The following NAALADL2 variants were observed in gnomAD, a reference collection of about 807,000 sequenced individuals.
NAALADL2 encodes inactive N-acetylated-alpha-linked acidic dipeptidase-like protein 2.
NAALADL2 carries 76 observed loss-of-function variants against 87.2 expected under a neutral mutation model. That is an observed-to-expected ratio of 0.87 (90% CI 0.72 to 1.05). NAALADL2 has a LOEUF of 1.05. NAALADL2 is among the 50% of genes least tolerant of loss of function. The pLI is 0.00. For synonymous variants in NAALADL2, 354 were observed against 331.0 expected (o/e 1.07, Z -0.75); for missense variants, 1,089 against 945.8 (o/e 1.15, Z -1.99).
intron 5 of NAALADL2, among the ~76,000 whole-genome samples, chr3:175,370,573 G>A (rs138915021): frequency 2.0e-5 from 3 of 152,122 alleles, no homozygotes; most frequent in African/African-American, 4.8e-5. Flanking sequence ...ACTGATGGCC[G>A]TAAGAGTCAC....
intron 3 of NAALADL2, among the ~76,000 whole-genome samples, chr3:174,816,185 ACTC>A (rs941547948): frequency 2.7e-5 from 4 of 149,624 alleles, no homozygotes; most frequent in African/African-American, 9.8e-5. Flanking sequence ...TTTCCATTCT[ACTC>A]CTATCCTCTT....
chr3:175,111,052 TA>T (rs1724107131), intron 2 of NAALADL2, among the ~76,000 whole-genome samples: 1 of 151,710 alleles, frequency 6.6e-6, no homozygotes, highest in Admixed American at 6.6e-5. Context: ...GGCTACCCTG[TA>T]AGCTAATGGG....
At chr3:175,147,697 A>G (rs1222657778) in intron 2 of NAALADL2, among the ~76,000 whole-genome samples, 1 of 152,138 alleles carries the variant, frequency 6.6e-6, no homozygotes, top group Non-Finnish European at 1.5e-5. Context: ...AAACTAATTT[A>G]TATTACCACC....
At chr3:174,519,797 A>G (rs2108408879) in intron 1 of NAALADL2, among the ~76,000 whole-genome samples, 1 of 152,270 alleles carries the variant, frequency 6.6e-6, no homozygotes, top group Non-Finnish European at 1.5e-5. Flanking sequence ...GCATCCTTTC[A>G]TGATAAAAAC....
chr3:175,593,773 A>T (rs1582547051), intron 10 of NAALADL2, among the ~76,000 whole-genome samples: 1 of 12,602 alleles, frequency 7.9e-5, no homozygotes, highest in Admixed American at 9.8e-4. Context: ...GCCCACTCTC[A>T]AAAAAAAAAC....
rs556191766 is a variant in NAALADL2, at chr3:174,594,427, C to G, written c.-115+43790C>G. Among the ~76,000 whole-genome samples the G allele has an allele frequency of 1.6e-3, 243 of 152,298 alleles. 2 individuals carry two copies. The highest frequency in any genetic ancestry group is 5.6e-3 in the African/African-American group (234 of 41,566). On this transcript the variant is annotated intron_variant, in intron 2 of 3. Coordinates refer to the NAALADL2 transcript ENST00000434257. ...ATTTGCAAGGCCTGATACCTCTAAT[C>G]AAAGAATAATGCTTAGAATAATCTC... is the stretch of plus-strand genomic sequence containing the variant.
chr3:175,373,346 G>A (rs1255462286), intron 5 of NAALADL2, among the ~76,000 whole-genome samples: 3 of 152,068 alleles, frequency 2.0e-5, no homozygotes, highest in Admixed American at 1.3e-4. Flanking sequence ...TAGTCTAACC[G>A]CTGATCTAAT....
intron 2 of NAALADL2, among the ~76,000 whole-genome samples, chr3:174,685,273 T>G (rs1002691238): frequency 6.6e-6 from 1 of 152,120 alleles, no homozygotes; most frequent in East Asian, 1.9e-4. Flanking sequence ...AAATGGCAGC[T>G]GCATCCTCCC....
chr3:175,132,911 A>C, intron 2 of NAALADL2, among the ~76,000 whole-genome samples: 1 of 135,678 alleles, frequency 7.4e-6, no homozygotes, highest in Non-Finnish European at 1.6e-5. Flanking sequence ...GGGCGGAGGG[A>C]CTCCTCACTT....
intron 6 of NAALADL2, among the ~76,000 whole-genome samples, chr3:175,449,433 T>A (rs544289839): frequency 2.7e-5 from 4 of 146,316 alleles, no homozygotes; most frequent in Middle Eastern, 3.7e-3. Context: ...TCTCGCTCTG[T>A]CTCCCAGACT....
At chr3:175,380,219 A>C (rs1581658334) in intron 5 of NAALADL2, among the ~76,000 whole-genome samples, 1 of 152,228 alleles carries the variant, frequency 6.6e-6, no homozygotes, top group African/African-American at 2.4e-5. Context: ...TAAAAAAATA[A>C]ATTAATTAAA....
intron 13 of NAALADL2, among the ~76,000 whole-genome samples, chr3:175,779,438 A>AGAT (rs1560002053): frequency 1.3e-5 from 2 of 152,078 alleles, no homozygotes; most frequent in African/African-American, 4.8e-5. Context: ...ATTACTTTTT[A>AGAT]GATGTAATTC....
chr3:175,332,177 C>T (rs1761482261), intron 5 of NAALADL2, among the ~76,000 whole-genome samples: 1 of 152,104 alleles, frequency 6.6e-6, no homozygotes, highest in Non-Finnish European at 1.5e-5. Flanking sequence ...AGATTCAATG[C>T]AATCCCTATC....
intron 5 of NAALADL2, among the ~76,000 whole-genome samples, chr3:175,412,566 ATC>A (rs1262295556): frequency 6.6e-6 from 1 of 152,180 alleles, no homozygotes; most frequent in Non-Finnish European, 1.5e-5. Context: ...AGATTTACAT[ATC>A]TCATTGCTTG....
intron 5 of NAALADL2, among the ~76,000 whole-genome samples, chr3:175,393,482 A>G (rs1769347391): frequency 6.6e-6 from 1 of 151,798 alleles, no homozygotes; most frequent in Non-Finnish European, 1.5e-5. Context: ...ATAATTTTTT[A>G]GGTTATAATT....
At chr3:175,617,781 T>C (rs1481350585) in intron 10 of NAALADL2, among the ~76,000 whole-genome samples, 1 of 152,176 alleles carries the variant, frequency 6.6e-6, no homozygotes, top group Non-Finnish European at 1.5e-5. Flanking sequence ...CTAGAGAAGC[T>C]TTACCAAGGC....
At position 175,233,936 on chromosome 3, in the gene NAALADL2, T is replaced by C; in HGVS notation, c.551T>C (p.Leu184Ser). 1 of 1,551,262 alleles carries C rather than the reference T, an allele frequency of 6.4e-7. No homozygotes were observed. The highest frequency in any genetic ancestry group is 8.8e-7 in the Non-Finnish European group (1 of 1,139,114). Residue 184 changes from leucine to serine, a missense_variant, in exon 3 of 14, where the codon TTG becomes TCG. Physicochemically the swap from Leu to Ser is moderately radical, Grantham distance 145. Coordinates refer to ENST00000454872, the MANE Select transcript of NAALADL2 (RefSeq NM_207015.3). ...AEDIKKSFRN[L>S]VQLYKNEDDM... Reference sequence around the variant, plus strand: ...TCTTTTCAAATTTATTTCAGAAATTTGGTACAACTATATAAAAATGAAGAT... The same window carrying C: ...TCTTTTCAAATTTATTTCAGAAATTCGGTACAACTATATAAAAATGAAGAT...
intron 3 of NAALADL2, among the ~76,000 whole-genome samples, chr3:174,847,231 A>G (rs776926163): frequency 1.2e-4 from 19 of 152,166 alleles, no homozygotes; most frequent in East Asian, 3.9e-4. Flanking sequence ...TAGTTTACCT[A>G]TATATCTTAT....
chr3:175,424,222 A>G (rs1350822655), intron 5 of NAALADL2, among the ~76,000 whole-genome samples: 7 of 152,044 alleles, frequency 4.6e-5, no homozygotes, highest in African/African-American at 1.7e-4. Context: ...TGTTCACTCT[A>G]ATGGTAGTTT....
Sources: allele counts gnomAD v4.1 joint callset (sites outside exome capture counted in the v4.1 genomes callset), GRCh38; gene constraint gnomAD v4.1.1; transcripts MANE v1.5; gene names NCBI Gene and HGNC (gene_info 2026-07-23, HGNC 2026-07-21).